Variants in BTNL9 observed in about 807,000 individuals in gnomAD.
The protein encoded by BTNL9 is butyrophilin-like protein 9.
A neutral mutation model predicts 45.8 loss-of-function variants in BTNL9; 45 were observed. The observed-to-expected ratio is 0.98, with a 90% confidence interval of 0.77 to 1.26. The LOEUF (loss-of-function observed/expected upper bound fraction) is 1.26, where lower values mean the gene tolerates loss of function less well. Among genes scored for constraint, BTNL9 ranks in the 50% most tolerant of loss-of-function variants. The probability of loss-of-function intolerance (pLI) is 0.00; values close to 1 mark genes in which losing one functional copy is unlikely to be tolerated. For missense variants in BTNL9, 784 were observed against 729.7 expected (o/e 1.07, Z -0.86); for synonymous variants, 346 against 330.8 (o/e 1.05, Z -0.50).
intron 1 of BTNL9, among the ~76,000 whole-genome samples, chr5:181,041,931 T>C (rs1760792868): frequency 6.6e-6 from 1 of 152,110 alleles, no homozygotes. Flanking sequence ...TTAAAATTCT[T>C]TATTTAACAA....
intron 7 of BTNL9, chr5:181,054,746 G>C: frequency 1.0e-6 from 1 of 985,346 alleles, no homozygotes; most frequent in Non-Finnish European, 1.2e-6. Context: ...CATGGTGTTG[G>C]GGTTGGGGGG....
Position 181,045,572 on chromosome 5 carries a change from T to G in BTNL9, c.83T>G (p.Leu28Arg), listed in dbSNP as rs773479898. ...CTTGTCTTCCTCATGCACCTCCTCC[T>G]CCTTCAGCCTGGGGAGCCGAGCTCA... ...SSLVFLMHLL[L>R]LQPGEPSSEV... Residue 28 changes from leucine (L) to arginine (R), a missense_variant, in exon 2 of 11, where the codon CTC (leucine) becomes CGC (arginine). Leu to Arg is a moderately radical substitution (Grantham distance 102). Transcript: ENST00000327705. 1.2e-6 allele frequency: 2 copies of G among 1,611,910 alleles called. No homozygotes were observed. The highest frequency in any genetic ancestry group is 1.7e-6 in the Non-Finnish European group (2 of 1,179,076).
Position 181,055,958 on chromosome 5 carries a change from C to G in BTNL9, c.929-31C>G, listed in dbSNP as rs775689020. 1 of 1,614,098 alleles carries G rather than the reference C, an allele frequency of 6.2e-7. No individual in the cohort carries two copies. The highest frequency in any genetic ancestry group is 1.1e-5 in the South Asian group (1 of 91,080). On this transcript the variant is annotated intron_variant, in intron 8 of 10. Coordinates refer to ENST00000327705, the MANE Select transcript of BTNL9 (RefSeq NM_152547.5). This position sits in a 1 kb window ranked among gnomAD's most constrained non-coding sequence, Gnocchi z 4.4. The stretch of plus-strand genomic sequence containing the variant: ...CAGGGAAGCTTGGGGTCCTGATGTG[C>G]TAATTTCCTGTTTTCCCTTGGTTGC...
chr5:181,049,459 G>T (rs1306736528), intron 3 of BTNL9, among the ~76,000 whole-genome samples: 2 of 152,158 alleles, frequency 1.3e-5, no homozygotes, highest in Non-Finnish European at 2.9e-5. Flanking sequence ...AAGATGCAAG[G>T]TTCGATAACA....
At position 181,059,889 on chromosome 5, in the gene BTNL9, C is replaced by A. The variant is rs1762086363; in HGVS notation, c.*27C>A. On this transcript the variant is annotated 3_prime_UTR_variant, in exon 11 of 11. Transcript: ENST00000327705. ...GCGCCCTCGTGGCCGCGGGACTGGC[C>A]CCGGGGGGCCCCCTGGATCCCAGGC... The A allele has an allele frequency of 3.5e-6, 5 of 1,444,718 alleles. No individual in the cohort carries two copies. The East Asian group carries it at 1.3e-4, about 38-fold the overall frequency. The allele number at this position is 1,444,718 out of a possible 1,614,324, so 89.5% of individuals were successfully genotyped here.
chr5:181,046,710 G>GGAGA lies in BTNL9; in HGVS notation c.109+1127_109+1130dup, dbSNP rs148346380. The stretch of plus-strand genomic sequence containing the variant: ...GAGAGAGAGAGAGCGAGAGAGAGAG[G>GGAGA]GAGAGAGAGAGAGAGAGAATTGTGT... On this transcript the variant is annotated intron_variant, in intron 2 of 10. Coordinates refer to ENST00000327705, the MANE Select transcript of BTNL9 (RefSeq NM_152547.5). Among the ~76,000 whole-genome samples, 12 of 145,942 alleles carry GGAGA rather than the reference G, an allele frequency of 8.2e-5. No individual in the cohort carries two copies. In the East Asian group the frequency reaches 1.6e-3, roughly 19 times the overall value.
chr5:181,059,310 CCG>C lies in BTNL9; in HGVS notation c.1059_1060del (p.Pro356AlafsTer152). 6.4e-7 allele frequency: 1 copy of C among 1,559,412 alleles called. No individual in the cohort carries two copies. The highest frequency in any genetic ancestry group is 8.6e-7 in the Non-Finnish European group (1 of 1,158,316). ...VSEDGKSVSS[R>X]GAPPGPAPGH... Reference sequence around the variant, plus strand: ...CGGAGGATGGCAAGAGCGTGTCTTCCCGCGGGGCGCCGCCAGGCCCGGCGCCT... The same window carrying C: ...CGGAGGATGGCAAGAGCGTGTCTTCCCGGGGCGCCGCCAGGCCCGGCGCCT... On this transcript the variant is annotated frameshift_variant, in exon 11 of 11. Transcript: ENST00000327705. LOFTEE classifies it low-confidence loss of function (END_TRUNC).
At chr5:181,045,126 A>G (rs1398641510) in intron 1 of BTNL9, among the ~76,000 whole-genome samples, 2 of 152,192 alleles carry the variant, frequency 1.3e-5, no homozygotes, top group African/African-American at 4.8e-5. Flanking sequence ...CGCTAAGCCC[A>G]GAAAAGGGGG....
rs1323766382 is a variant in BTNL9, at chr5:181,061,211, A to C, written c.*1349A>C. 1 of 152,230 alleles carries C rather than the reference A, an allele frequency of 6.6e-6. No homozygotes were observed. The highest frequency in any genetic ancestry group is 6.5e-5 in the Admixed American group (1 of 15,290). The allele number at this position is 152,230 out of a possible 1,614,324, so 9.4% of individuals were successfully genotyped here. The stretch of plus-strand genomic sequence containing the variant: ...TGAATTTCCAGTGACTAAGTGGAAA[A>C]ATATAAAACATATGAATATAAAGAA... On this transcript the variant is annotated 3_prime_UTR_variant, in exon 11 of 11. Transcript: ENST00000327705.
chr5:181,053,054 C>G lies in BTNL9; in HGVS notation c.737-146C>G, dbSNP rs543197064. ...CCGCCCCCTCCGCCGCGCGCGCTCC[C>G]GCTCCACGCCCGTTTCCCAGGCGGC... On this transcript the variant is annotated intron_variant, in intron 4 of 10. Transcript: ENST00000327705. The surrounding 1 kb of genome is among the most constrained non-coding windows in gnomAD (Gnocchi z 6.5). The G allele has an allele frequency of 1.0e-3, 504 of 492,494 alleles. 4 individuals carry two copies. In the East Asian group the frequency reaches 0.022, roughly 21 times the overall value. 30.5% of individuals were successfully genotyped at this position (492,494 alleles called of 1,614,324 possible). A position where few individuals can be genotyped will look rare whatever the true frequency, so the allele number is the denominator to read the frequency against.
At position 181,042,335 on chromosome 5, in the gene BTNL9, G is replaced by A. The variant is rs775220018; in HGVS notation, c.-24+1903G>A. ...GGTTTTCCTTCTTCCCCAAATATCCGACGCGTCCAGTCCCTTACTCCTTCC... is the reference window on the plus strand; with the variant it reads ...GGTTTTCCTTCTTCCCCAAATATCCAACGCGTCCAGTCCCTTACTCCTTCC... On this transcript the variant is annotated intron_variant, in intron 1 of 10. Coordinates refer to ENST00000327705, the MANE Select transcript of BTNL9 (RefSeq NM_152547.5). The surrounding 1 kb of genome is among the most constrained non-coding windows in gnomAD (Gnocchi z 4.5). 6.6e-6 allele frequency among the ~76,000 whole-genome samples: 1 copy of A among 151,826 alleles called. No homozygotes were observed. The highest frequency in any genetic ancestry group is 2.4e-5 in the African/African-American group (1 of 41,152).
chr5:181,056,103 T>C (rs1316177250), intron 9 of BTNL9, 88 bp downstream of exon 9: 2 of 1,473,428 alleles, frequency 1.4e-6, no homozygotes, highest in African/African-American at 2.8e-5. Flanking sequence ...TCAGGCTTCA[T>C]TCTGGTTGCA....
At position 181,048,991 on chromosome 5, in the gene BTNL9, G is replaced by C. The variant is rs374411969; in HGVS notation, c.454+720G>C. On this transcript the variant is annotated intron_variant, in intron 3 of 10. Transcript: ENST00000327705. Reference sequence around the variant, plus strand: ...CAAAATTACTCATAGTGAGAGAAAGGCAAATCAAAGCTATGTCAAAATGCA... The same window carrying C: ...CAAAATTACTCATAGTGAGAGAAAGCCAAATCAAAGCTATGTCAAAATGCA... 2.0e-5 allele frequency among the ~76,000 whole-genome samples: 3 copies of C among 146,854 alleles called. No individual in the cohort carries two copies. The East Asian group carries it at 5.9e-4, about 29-fold the overall frequency.
chr5:181,050,209 G>A lies in BTNL9; in HGVS notation c.576G>A (p.Gln192=), dbSNP rs1761458433. The A allele has an allele frequency of 2.5e-6, 4 of 1,614,124 alleles. No homozygotes were observed. The highest frequency in any genetic ancestry group is 3.4e-6 in the Non-Finnish European group (4 of 1,180,042). The change falls in exon 4 of 11, where the codon CAG becomes CAA. Residue 192 remains glutamine, a synonymous_variant. Coordinates refer to ENST00000327705, the MANE Select transcript of BTNL9 (RefSeq NM_152547.5). The surrounding 1 kb of genome is among the most constrained non-coding windows in gnomAD (Gnocchi z 4.9). The part of the protein sequence containing the change: ...PKVQWRDHQG[Q]CLPPEFEAIV... Reference sequence around the variant, plus strand: ...TTCAGTGGAGAGACCACCAGGGACAGTGCCTGCCTCCAGAGTTTGAAGCCA... The same window carrying A: ...TTCAGTGGAGAGACCACCAGGGACAATGCCTGCCTCCAGAGTTTGAAGCCA...
chr5:181,048,416 A>G, intron 3 of BTNL9, 145 bp downstream of exon 3: 1 of 756,868 alleles, frequency 1.3e-6, no homozygotes, highest in Non-Finnish European at 2.1e-6. Flanking sequence ...TCAAATGAAC[A>G]AACAAAACAA....
At chr5:181,045,698 G>A (rs1461770785) in intron 2 of BTNL9, 100 bp downstream of exon 2, 3 of 946,886 alleles carry the variant, frequency 3.2e-6, no homozygotes, top group Non-Finnish European at 1.7e-6. Context: ...GGGCGTGCCA[G>A]ACGCTAAAAT....
At chr5:181,047,194 A>G (rs142852255) in intron 2 of BTNL9, among the ~76,000 whole-genome samples, 2 of 152,332 alleles carry the variant, frequency 1.3e-5, no homozygotes, top group East Asian at 3.9e-4. Flanking sequence ...AGAACTGTGC[A>G]GGAGCAGCAA....
In BTNL9 at chr5:181,053,648, G is replaced by GGGAA; in HGVS notation, c.886+150_886+153dup. The GGGAA allele has an allele frequency of 3.2e-6, 5 of 1,539,614 alleles. No homozygotes were observed. The highest frequency in any genetic ancestry group is 4.4e-6 in the Non-Finnish European group (5 of 1,140,898). ...GGAACGGGGATCGGTGACCCCGGTG[G>GGGAA]GGAAGGGGGAAGATCGTTCATATGG... On this transcript the variant is annotated intron_variant, in intron 6 of 10. Transcript: ENST00000327705. The surrounding 1 kb of genome is among the most constrained non-coding windows in gnomAD (Gnocchi z 6.5).
chr5:181,055,281 T>G lies in BTNL9; in HGVS notation c.908-152T>G. On this transcript the variant is annotated intron_variant, in intron 7 of 10. Coordinates refer to ENST00000327705, the MANE Select transcript of BTNL9 (RefSeq NM_152547.5). The surrounding 1 kb of genome is among the most constrained non-coding windows in gnomAD (Gnocchi z 4.4). ...CAGATGGGCCTCTTTTTGAGGGCAA[T>G]GAAGGGGCAAAGAGGAAGCTGTAAA... is the stretch of plus-strand genomic sequence containing the variant. The G allele has an allele frequency of 6.6e-7, 1 of 1,520,340 alleles. No homozygotes were observed. The highest frequency in any genetic ancestry group is 2.3e-5 in the East Asian group (1 of 43,898). The allele number at this position is 1,520,340 out of a possible 1,614,324, so 94.2% of individuals were successfully genotyped here. A position where few individuals can be genotyped will look rare whatever the true frequency, so the allele number is the denominator to read the frequency against.
Sources: allele counts gnomAD v4.1 joint callset (sites outside exome capture counted in the v4.1 genomes callset), GRCh38; gene constraint gnomAD v4.1.1; non-coding constraint Gnocchi (gnomAD v3.1); transcripts MANE v1.5; gene names NCBI Gene and HGNC (gene_info 2026-07-23, HGNC 2026-07-21).